NEGR1: variants seen among roughly 807,000 people sequenced by gnomAD.
NEGR1 encodes the protein IgLON family member 4.
Under a neutral mutation model 40.9 loss-of-function variants are expected in NEGR1, and 10 were observed. That is an observed-to-expected ratio of 0.24 (90% CI 0.15 to 0.42). The LOEUF (loss-of-function observed/expected upper bound fraction) is 0.42. NEGR1 is among the 10% of genes least tolerant of loss of function. The pLI is 1.00. For synonymous variants in NEGR1, 185 were observed against 166.8 expected, an observed-to-expected ratio of 1.11 and a Z score of -0.84; for missense variants, 352 against 438.9, an observed-to-expected ratio of 0.80 and a Z score of 1.77.
chr1:71,480,847 T>C (rs1046001487), intron 6 of NEGR1, among the ~76,000 whole-genome samples: 6 of 151,878 alleles, frequency 4.0e-5, no homozygotes, highest in African/African-American at 1.4e-4. Flanking sequence ...ATAGGAATAC[T>C]TATTCCTAGT....
chr1:71,716,057 C>T (rs753609311), intron 3 of NEGR1, among the ~76,000 whole-genome samples: 1 of 152,114 alleles, frequency 6.6e-6, no homozygotes, highest in African/African-American at 2.4e-5. Context: ...CACAGTTCTG[C>T]GTTGCTGAGG....
intron 6 of NEGR1, among the ~76,000 whole-genome samples, chr1:71,499,321 A>G (rs1646984365): frequency 6.6e-6 from 1 of 151,748 alleles, no homozygotes; most frequent in Non-Finnish European, 1.5e-5. Context: ...TGTGACTTAT[A>G]GATCTTGGCA....
intron 1 of NEGR1, among the ~76,000 whole-genome samples, chr1:72,044,187 A>C (rs1174394011): frequency 2.0e-5 from 3 of 151,672 alleles, no homozygotes; most frequent in African/African-American, 7.3e-5. Flanking sequence ...AACTACTCAA[A>C]ATATAATGTT....
At chr1:72,070,743 C>T (rs1647427387) in intron 1 of NEGR1, among the ~76,000 whole-genome samples, 1 of 151,924 alleles carries the variant, frequency 6.6e-6, no homozygotes, top group Non-Finnish European at 1.5e-5. Context: ...CATCCAACTA[C>T]ATTGTGGTTG....
At chr1:72,176,680 C>G (rs1652177946) in intron 1 of NEGR1, among the ~76,000 whole-genome samples, 1 of 151,928 alleles carries the variant, frequency 6.6e-6, no homozygotes. Flanking sequence ...AACAAACAAA[C>G]AAACAAAACC....
chr1:71,482,532 T>C (rs989230416), intron 6 of NEGR1, among the ~76,000 whole-genome samples: 1 of 151,886 alleles, frequency 6.6e-6, no homozygotes, highest in Non-Finnish European at 1.5e-5. Context: ...ATGACTAAGA[T>C]AATTTTTATG....
intron 2 of NEGR1, among the ~76,000 whole-genome samples, chr1:71,844,223 C>G (rs1323056147): frequency 6.6e-6 from 1 of 152,106 alleles, no homozygotes; most frequent in Non-Finnish European, 1.5e-5. Flanking sequence ...GTAACCATCC[C>G]TTAACAAAGA....
At chr1:72,208,339 C>T (rs532954941) in intron 1 of NEGR1, among the ~76,000 whole-genome samples, 6 of 151,688 alleles carry the variant, frequency 4.0e-5, no homozygotes, top group African/African-American at 7.2e-5. Context: ...CAATGCATTT[C>T]TGTCAAATTA....
At chr1:71,597,432 GTCTCTCTC>G (rs1158039041) in intron 5 of NEGR1, among the ~76,000 whole-genome samples, 44 of 60,746 alleles carry the variant, frequency 7.2e-4, no homozygotes, top group African/African-American at 2.8e-3. Flanking sequence ...ATATATATAT[GTCTCTCTC>G]TCTCTCTCTC....
chr1:72,110,313 A>G (rs1051655545), intron 1 of NEGR1, among the ~76,000 whole-genome samples: 3 of 151,352 alleles, frequency 2.0e-5, no homozygotes, highest in African/African-American at 4.8e-5. Context: ...GATTGTAGCT[A>G]CATGACTGAC....
intron 1 of NEGR1, among the ~76,000 whole-genome samples, chr1:71,980,523 A>T (rs1646345561): frequency 6.6e-6 from 1 of 152,146 alleles, no homozygotes; most frequent in Admixed American, 6.6e-5. Context: ...GATGAGAAAC[A>T]TCTCCCTATC....
chr1:71,933,163 G>A lies in NEGR1; in HGVS notation c.409+1916C>T, dbSNP rs141680230. Among the ~76,000 whole-genome samples the A allele has an allele frequency of 9.7e-4, 147 of 151,982 alleles. 1 individual carries two copies. The East Asian group carries it at 0.024, about 25-fold the overall frequency. ...CGTAACTGCTCAAAAGTTCACCATC[G>A]TCTAATGACCAGCAAAAAAGAGTAC... On this transcript the variant is annotated intron_variant, in intron 2 of 6. Transcript: ENST00000357731.
intron 2 of NEGR1, among the ~76,000 whole-genome samples, chr1:71,888,275 C>G (rs150939571): frequency 0.09 from 13,710 of 151,688 alleles, 726 homozygotes; most frequent in Non-Finnish European, 0.12. Context: ...ACGCAGAAGA[C>G]GGGTGATTTC....
chr1:71,674,198 T>C (rs1404664988), intron 4 of NEGR1, among the ~76,000 whole-genome samples: 1 of 152,172 alleles, frequency 6.6e-6, no homozygotes. Context: ...TTATAAACTA[T>C]CTGGAAGTTT....
intron 1 of NEGR1, among the ~76,000 whole-genome samples, chr1:71,978,119 C>T (rs1327238534): frequency 3.9e-5 from 6 of 152,050 alleles, no homozygotes; most frequent in Admixed American, 2.6e-4. Flanking sequence ...TGAGCCCTAG[C>T]ATTGAAGATA....
intron 1 of NEGR1, among the ~76,000 whole-genome samples, chr1:71,973,966 C>T (rs1466122239): frequency 1.3e-5 from 2 of 151,502 alleles, no homozygotes; most frequent in East Asian, 3.9e-4. Context: ...GATTTTCATG[C>T]TGTATTTCTA....
At chr1:71,782,165 A>G (rs955014726) in intron 2 of NEGR1, among the ~76,000 whole-genome samples, 2 of 152,130 alleles carry the variant, frequency 1.3e-5, no homozygotes, top group Non-Finnish European at 2.9e-5. Flanking sequence ...AAAGGTGATT[A>G]GATCATGAAG....
chr1:71,679,557 A>G (rs984157832), intron 4 of NEGR1, among the ~76,000 whole-genome samples: 1 of 152,174 alleles, frequency 6.6e-6, no homozygotes, highest in Non-Finnish European at 1.5e-5. Context: ...ATTAATTGAA[A>G]TAATTTTTTT....
chr1:71,882,815 C>A (rs969940732), intron 2 of NEGR1, among the ~76,000 whole-genome samples: 5 of 151,080 alleles, frequency 3.3e-5, no homozygotes, highest in African/African-American at 9.7e-5. Context: ...TACACAGATA[C>A]TTTTCCTACC....
Sources: gnomAD v4.1 joint callset for allele counts (sites outside exome capture counted in the v4.1 genomes callset) on GRCh38, gnomAD v4.1.1 for gene constraint, MANE v1.5 for transcripts, NCBI Gene and HGNC (gene_info 2026-07-23, HGNC 2026-07-21) for gene names.